ASNSD1: variants seen among roughly 807,000 people sequenced by gnomAD.
ASNSD1 encodes the protein asparagine synthetase domain containing 1, also known as asparagine synthetase domain-containing protein 1.
Under a neutral mutation model 48.3 loss-of-function variants are expected in ASNSD1, and 36 were observed. That is an observed-to-expected ratio of 0.75 (90% CI 0.57 to 0.99). ASNSD1 has a LOEUF of 0.99. Ranked by LOEUF, ASNSD1 falls within the 50% of genes least tolerant of loss-of-function variation. The pLI, the probability that ASNSD1 is intolerant of heterozygous loss-of-function variation, is 0.00. For synonymous variants in ASNSD1, 257 were observed against 262.1 expected (o/e 0.98, Z 0.19); for missense variants, 714 against 758.2 (o/e 0.94, Z 0.69).
Position 189,666,484 on chromosome 2 carries a change from C to A in ASNSD1, c.352C>A (p.Pro118Thr). ...GTCACTCTTCTCAGAAGTACAAGGT[C>A]CCTGGTCATTTATATATTATCAAGC... The part of the protein sequence containing the change: ...ILSLFSEVQG[P>T]WSFIYYQASS... Residue 118 changes from proline (P) to threonine (T), a missense_variant, in exon 4 of 6, where the codon CCC becomes ACC. Coordinates refer to ENST00000260952, the MANE Select transcript of ASNSD1 (RefSeq NM_019048.4). The A allele has an allele frequency of 3.1e-6, 5 of 1,613,626 alleles. No individual in the cohort carries two copies. Among genetic ancestry groups the A allele is most frequent in the Non-Finnish European group, 4.2e-6 (5 of 1,179,894 alleles).
rs1317091733 is a variant in ASNSD1 at position 189,661,459 on chromosome 2, G to T, written c.-374G>T. On this transcript the variant is annotated 5_prime_UTR_variant, in exon 1 of 6. Transcript: ENST00000260952. ...GCGCGGCTGGAAGCGCGCATGCGCT[G>T]TGGCTAATGCCGTAGGCTCCTTCAG... 2 of 398,988 alleles carry T rather than the reference G, an allele frequency of 5.0e-6. No homozygotes were observed. Among genetic ancestry groups the T allele is most frequent in the Non-Finnish European group, 8.8e-6 (2 of 226,102 alleles). 24.7% of individuals were successfully genotyped at this position (398,988 alleles called of 1,614,324 possible). A position where few individuals can be genotyped will look rare whatever the true frequency, so the allele number is the denominator to read the frequency against.
intron 5 of ASNSD1, among the ~76,000 whole-genome samples, chr2:189,668,402 A>G (rs1007115805): frequency 5.9e-5 from 9 of 152,206 alleles, no homozygotes; most frequent in African/African-American, 1.7e-4. Context: ...CTGTAGTTCC[A>G]GCTACTCGGG....
Position 189,670,692 on chromosome 2 carries a change from A to G in ASNSD1, c.1898A>G (p.Glu633Gly). 6.2e-7 allele frequency: 1 copy of G among 1,600,036 alleles called. No individual in the cohort carries two copies. Among genetic ancestry groups the G allele is most frequent in the African/African-American group, 1.3e-5 (1 of 74,506 alleles). ...KCGRLQIMSL[E>G]NLSIEKETKL ...GGACGGCTCCAAATCATGTCCTTAG[A>G]AAATCTTTCTATTGAAAAGGAGACT... Residue 633 changes from glutamate to glycine, a missense_variant, in exon 6 of 6, where the codon GAA becomes GGA. Physicochemically the swap from Glu to Gly is moderately conservative, Grantham distance 98. Coordinates refer to ENST00000260952, the MANE Select transcript of ASNSD1 (RefSeq NM_019048.4).
chr2:189,667,494 A>C lies in ASNSD1; in HGVS notation c.1362A>C (p.Thr454=), dbSNP rs1417835741. Residue 454 remains threonine, a synonymous_variant, in exon 4 of 6, where the codon ACA becomes ACC. Coordinates refer to ENST00000260952, the MANE Select transcript of ASNSD1 (RefSeq NM_019048.4). ...GTCACTTAATTCGGCCATTGGATAC[A>C]GTTTTGGATGATAGCATTGGCTGTG... ...RICHLIRPLD[T]VLDDSIGCAV... 1 of 1,614,080 alleles carries C rather than the reference A, an allele frequency of 6.2e-7. No individual in the cohort carries two copies.
At chr2:189,664,758 A>T (rs960731788) in intron 2 of ASNSD1, among the ~76,000 whole-genome samples, 3 of 152,188 alleles carry the variant, frequency 2.0e-5, no homozygotes, top group African/African-American at 7.2e-5. Context: ...AAAAAAAAAA[A>T]AAGAAGTTGA....
chr2:189,666,394 G>A lies in ASNSD1; in HGVS notation c.262G>A (p.Glu88Lys). 2 of 1,613,998 alleles carry A rather than the reference G, an allele frequency of 1.2e-6. No individual in the cohort carries two copies. Among genetic ancestry groups the A allele is most frequent in the Non-Finnish European group, 1.7e-6 (2 of 1,179,984 alleles). The change falls in exon 4 of 6, where the codon GAA (glutamate) becomes AAA (lysine). Residue 88 changes from glutamate (E) to lysine (K), a missense_variant. Coordinates refer to ENST00000260952, the MANE Select transcript of ASNSD1 (RefSeq NM_019048.4). The stretch of plus-strand genomic sequence containing the variant: ...TTTTAGTGGAATAAAGGTTGAAGCT[G>A]AAGAGAATGACACTCAAATTTTGTT... ...EIFSGIKVEAEENDTQILFNY... is the reference protein window; with the variant it reads ...EIFSGIKVEAKENDTQILFNY...
chr2:189,661,673 G>A (rs2032667774), intron 1 of ASNSD1, 63 bp downstream of exon 1: 2 of 399,104 alleles, frequency 5.0e-6, no homozygotes, highest in Admixed American at 4.4e-5. Context: ...GGACCCTGAA[G>A]GTGGTCCGCA....
Position 189,670,775 on chromosome 2 carries a change from TAAAA to T in ASNSD1, c.*50_*53del. On this transcript the variant is annotated 3_prime_UTR_variant, in exon 6 of 6. Transcript: ENST00000260952. ...AAAAATAAGTTTTTATATAATTATATAAAAGTAAGATACTCTGCTGCTTTACTAT... is the reference window on the plus strand; with the variant it reads ...AAAAATAAGTTTTTATATAATTATATGTAAGATACTCTGCTGCTTTACTAT... 8.0e-7 allele frequency: 1 copy of T among 1,248,828 alleles called. No individual in the cohort carries two copies. 77.4% of individuals were successfully genotyped at this position (1,248,828 alleles called of 1,614,324 possible). A position where few individuals can be genotyped will look rare whatever the true frequency, so the allele number is the denominator to read the frequency against.
chr2:189,668,153 A>T (rs2032854248), intron 5 of ASNSD1, among the ~76,000 whole-genome samples: 1 of 152,210 alleles, frequency 6.6e-6, no homozygotes, highest in East Asian at 1.9e-4. Flanking sequence ...TTCTCTAAGA[A>T]ATGTCTTTTC....
At position 189,665,393 on chromosome 2, in the gene ASNSD1, A is replaced by G. The variant is rs914931619; in HGVS notation, c.-151A>G. On this transcript the variant is annotated 5_prime_UTR_variant, in exon 3 of 6. Transcript: ENST00000260952. ...TTTTCCAGAAAGTATATAGGCAACA[A>G]CAGAACAGCAATATATTCTTTCTTG... 3 of 397,534 alleles carry G rather than the reference A, an allele frequency of 7.5e-6. No individual in the cohort carries two copies. Among genetic ancestry groups the G allele is most frequent in the Admixed American group, 8.8e-5 (2 of 22,652 alleles). The allele number at this position is 397,534 out of a possible 1,614,324, so 24.6% of individuals were successfully genotyped here. A position where few individuals can be genotyped will look rare whatever the true frequency, so the allele number is the denominator to read the frequency against.
Position 189,661,537 on chromosome 2 carries a change from C to T in ASNSD1, c.-296C>T, listed in dbSNP as rs2032663586. The T allele has an allele frequency of 2.5e-6, 1 of 399,246 alleles. No homozygotes were observed. Among genetic ancestry groups the T allele is most frequent in the Non-Finnish European group, 4.4e-6 (1 of 226,240 alleles). The allele number at this position is 399,246 out of a possible 1,614,324, so 24.7% of individuals were successfully genotyped here. On this transcript the variant is annotated 5_prime_UTR_variant, in exon 1 of 6. The change creates a new upstream start codon in the 5' untranslated region. Coordinates refer to ENST00000260952, the MANE Select transcript of ASNSD1 (RefSeq NM_019048.4). ...TCGGTGGAAATGCCCAGCCGAGGGA[C>T]GCGACCAGAGGACAGCTCTGTGCTG...
Position 189,667,543 on chromosome 2 carries a change from A to G in ASNSD1, c.1411A>G (p.Ile471Val), listed in dbSNP as rs1228617109. ...TGCAGTCTGGTTTGCTTCTAGAGGAATTGGTTGGTTAGTGGCCCAGGAAGG... is the reference window on the plus strand; with the variant it reads ...TGCAGTCTGGTTTGCTTCTAGAGGAGTTGGTTGGTTAGTGGCCCAGGAAGG... ...GCAVWFASRG[I>V]GWLVAQEGVK... The change falls in exon 4 of 6, where the codon ATT becomes GTT. Residue 471 changes from isoleucine to valine, a missense_variant. Ile to Val is a conservative substitution (Grantham distance 29). Transcript: ENST00000260952. The G allele has an allele frequency of 1.9e-6, 3 of 1,613,876 alleles. No homozygotes were observed. Among genetic ancestry groups the G allele is most frequent in the Admixed American group, 1.7e-5 (1 of 59,998 alleles).
In ASNSD1 at chr2:189,670,580, T is replaced by G. The variant is rs2032904386; in HGVS notation, c.1786T>G (p.Ser596Ala). The G allele has an allele frequency of 6.2e-7, 1 of 1,614,024 alleles. No individual in the cohort carries two copies. Among genetic ancestry groups the G allele is most frequent in the Non-Finnish European group, 8.5e-7 (1 of 1,180,006 alleles). ...AGCTGTGGAACTTGGTCTTACAGCC[T>G]CTGCTCTTCTGCCCAAACGGGCCAT... The part of the protein sequence containing the change: ...LAAVELGLTA[S>A]ALLPKRAMQF... Residue 596 changes from serine to alanine, a missense_variant, in exon 6 of 6, where the codon TCT becomes GCT. Transcript: ENST00000260952.
In ASNSD1 at chr2:189,670,757, A is replaced by C; in HGVS notation, c.*31A>C. 7.3e-7 allele frequency: 1 copy of C among 1,364,636 alleles called. No homozygotes were observed. The highest frequency in any genetic ancestry group is 9.7e-7 in the Non-Finnish European group (1 of 1,032,086). 84.5% of individuals were successfully genotyped at this position (1,364,636 alleles called of 1,614,324 possible). A position where few individuals can be genotyped will look rare whatever the true frequency, so the allele number is the denominator to read the frequency against. ...TTCACAATGTAACAATATAAAAATA[A>C]GTTTTTATATAATTATATAAAAGTA... On this transcript the variant is annotated 3_prime_UTR_variant, in exon 6 of 6. Transcript: ENST00000260952.
At chr2:189,662,902 T>C (rs2032699756) in intron 1 of ASNSD1, among the ~76,000 whole-genome samples, 1 of 136,902 alleles carries the variant, frequency 7.3e-6, no homozygotes, top group Non-Finnish European at 1.5e-5. Context: ...TGAGCCGTGA[T>C]CGCACCACTG....
At chr2:189,665,350 A>G (rs1337976101) in intron 2 of ASNSD1, 26 bp from the exon 3 acceptor site, 2 of 395,240 alleles carry the variant, frequency 5.1e-6, no homozygotes, top group Non-Finnish European at 8.9e-6. Flanking sequence ...TCAAAATTTG[A>G]TATTAGCCTA....
At position 189,667,297 on chromosome 2, in the gene ASNSD1, G is replaced by A. The variant is rs2032830194; in HGVS notation, c.1165G>A (p.Val389Ile). ...ACCTTCAGAAGAATTCTCTAAAGATGTTGCTGCTGCTGCTGCTGACAGTCC... is the reference window on the plus strand; with the variant it reads ...ACCTTCAGAAGAATTCTCTAAAGATATTGCTGCTGCTGCTGCTGACAGTCC... ...EIPSEEFSKD[V>I]AAAAADSPNK... Residue 389 changes from valine (V) to isoleucine (I), a missense_variant, in exon 4 of 6, where the codon GTT (valine) becomes ATT (isoleucine). Physicochemically the swap from Val to Ile is conservative, Grantham distance 29 (BLOSUM62 3). Coordinates refer to ENST00000260952, the MANE Select transcript of ASNSD1 (RefSeq NM_019048.4). 1.2e-6 allele frequency: 2 copies of A among 1,614,020 alleles called. No homozygotes were observed. Among genetic ancestry groups the A allele is most frequent in the African/African-American group, 1.3e-5 (1 of 74,932 alleles).
chr2:189,670,378 T>C, intron 5 of ASNSD1, 63 bp from the exon 6 acceptor site: 1 of 1,377,386 alleles, frequency 7.3e-7, no homozygotes, highest in Non-Finnish European at 1.0e-6. Flanking sequence ...TATAAAACTG[T>C]GTATAAATCA....
Position 189,666,610 on chromosome 2 carries a change from G to T in ASNSD1, c.478G>T (p.Gly160Cys). 1 of 1,614,050 alleles carries T rather than the reference G, an allele frequency of 6.2e-7. No homozygotes were observed. The highest frequency in any genetic ancestry group is 8.5e-7 in the Non-Finnish European group (1 of 1,180,022). Residue 160 changes from glycine (G) to cysteine (C), a missense_variant, in exon 4 of 6, where the codon GGC becomes TGC. Coordinates refer to ENST00000260952, the MANE Select transcript of ASNSD1 (RefSeq NM_019048.4). The part of the protein sequence containing the change: ...LGKSFCLSSV[G>C]TQTSGLANQW... ...CAAGAGTTTCTGCCTCTCTTCAGTT[G>T]GCACCCAAACATCTGGATTGGCAAA...
Sources: allele counts gnomAD v4.1 joint callset (sites outside exome capture counted in the v4.1 genomes callset), GRCh38; gene constraint gnomAD v4.1.1; transcripts MANE v1.5; gene names NCBI Gene and HGNC (gene_info 2026-07-23, HGNC 2026-07-21).